The following NAALADL2 variants were observed in gnomAD, a reference collection of about 807,000 sequenced individuals.
The protein encoded by NAALADL2 is inactive N-acetylated-alpha-linked acidic dipeptidase-like protein 2.
A neutral mutation model predicts 87.2 loss-of-function variants in NAALADL2; 76 were observed. The ratio of observed to expected loss-of-function variants is 0.87; its 90% confidence interval spans 0.72 to 1.05. The LOEUF (loss-of-function observed/expected upper bound fraction) is 1.05. NAALADL2 is among the 50% of genes least tolerant of loss of function. The pLI is 0.00. For synonymous variants in NAALADL2, 354 were observed against 331.0 expected, an observed-to-expected ratio of 1.07 and a Z score of -0.75; for missense variants, 1,089 against 945.8, an observed-to-expected ratio of 1.15 and a Z score of -1.99.
intron 1 of NAALADL2, chr3:175,059,675 A>G: frequency 3.0e-6 from 1 of 337,062 alleles, no homozygotes; most frequent in Non-Finnish European, 5.6e-6. Context: ...CCATTCTTCC[A>G]TTAACCTCTT....
At chr3:174,661,284 A>C (rs553091414) in intron 2 of NAALADL2, among the ~76,000 whole-genome samples, 1 of 152,280 alleles carries the variant, frequency 6.6e-6, no homozygotes, top group South Asian at 2.1e-4. Context: ...AAATATTATT[A>C]CTGAACTCAT....
At chr3:175,601,289 T>C (rs1722947889) in intron 10 of NAALADL2, among the ~76,000 whole-genome samples, 1 of 152,190 alleles carries the variant, frequency 6.6e-6, no homozygotes, top group South Asian at 2.1e-4. Flanking sequence ...TATCAACATA[T>C]TGTATGTGTA....
intron 1 of NAALADL2, among the ~76,000 whole-genome samples, chr3:174,986,530 A>G (rs1165371373): frequency 6.6e-6 from 1 of 152,000 alleles, no homozygotes; most frequent in Non-Finnish European, 1.5e-5. Context: ...AAACTAGACC[A>G]TAGTTAGAAG....
intron 9 of NAALADL2, among the ~76,000 whole-genome samples, chr3:175,557,504 A>G (rs1038241861): frequency 8.1e-5 from 2 of 24,700 alleles, no homozygotes; most frequent in Non-Finnish European, 2.1e-4. Context: ...CATTCTTTCT[A>G]ACTATTTTTT....
chr3:175,127,576 T>G (rs924691208), intron 2 of NAALADL2, among the ~76,000 whole-genome samples: 5 of 152,212 alleles, frequency 3.3e-5, no homozygotes, highest in Non-Finnish European at 7.3e-5. Context: ...TTTCTTTCAG[T>G]TAAACTATCA....
At chr3:175,210,544 CTTATA>C (rs1741620379) in intron 2 of NAALADL2, among the ~76,000 whole-genome samples, 2 of 151,264 alleles carry the variant, frequency 1.3e-5, no homozygotes, top group Non-Finnish European at 3.0e-5. Flanking sequence ...TTAAATCTTA[CTTATA>C]TTGTATGTGA....
At chr3:175,327,282 A>C (rs2110466924) in intron 5 of NAALADL2, among the ~76,000 whole-genome samples, 1 of 151,050 alleles carries the variant, frequency 6.6e-6, no homozygotes, top group South Asian at 2.1e-4. Context: ...CAGCCTCCCG[A>C]GTAGCTGGGA....
At chr3:174,785,057 C>G (rs1716432369) in intron 3 of NAALADL2, among the ~76,000 whole-genome samples, 1 of 152,044 alleles carries the variant, frequency 6.6e-6, no homozygotes, top group African/African-American at 2.4e-5. Context: ...TCACGGGGTA[C>G]ATGTGCATGT....
intron 2 of NAALADL2, among the ~76,000 whole-genome samples, chr3:174,634,730 ATTTC>A (rs1560107231): frequency 6.6e-6 from 1 of 152,092 alleles, no homozygotes; most frequent in Admixed American, 6.5e-5. Context: ...TCACTTTTTA[ATTTC>A]TTTATTTTGG....
intron 11 of NAALADL2, among the ~76,000 whole-genome samples, chr3:175,691,385 GTTTTA>G (rs1326720730): frequency 6.6e-6 from 1 of 151,240 alleles, no homozygotes; most frequent in Non-Finnish European, 1.5e-5. Context: ...CGGATTCACT[GTTTTA>G]TTTGTGTGTG....
chr3:174,560,186 C>T (rs1030649255), intron 2 of NAALADL2, among the ~76,000 whole-genome samples: 1 of 152,118 alleles, frequency 6.6e-6, no homozygotes, highest in African/African-American at 2.4e-5. Flanking sequence ...TGTTACTGCC[C>T]TTAGGATACT....
chr3:175,097,231 C>T lies in NAALADL2; in HGVS notation c.485C>T (p.Pro162Leu). ...SDAPSSGTVD[P>L]QLYQEILKTI... Reference sequence around the variant, plus strand: ...GCTCCATCTTCAGGAACAGTTGATCCTCAGTTATATCAAGAGATTCTCAAG... The same window carrying T: ...GCTCCATCTTCAGGAACAGTTGATCTTCAGTTATATCAAGAGATTCTCAAG... Residue 162 changes from proline to leucine, a missense_variant, in exon 2 of 14, where the codon CCT becomes CTT. Coordinates refer to ENST00000454872, the MANE Select transcript of NAALADL2 (RefSeq NM_207015.3). 2 of 1,613,190 alleles carry T rather than the reference C, an allele frequency of 1.2e-6. No homozygotes were observed. Among genetic ancestry groups the T allele is most frequent in the Non-Finnish European group, 8.5e-7 (1 of 1,179,324 alleles).
At position 174,693,073 on chromosome 3, in the gene NAALADL2, C is replaced by G. The variant is rs575934305; in HGVS notation, c.-114-44568C>G. Reference sequence around the variant, plus strand: ...AAGTAGAAGTCTAAGTTCATGATATCTCTTGTGGATTAAGACCCAGTAGGC... The same window carrying G: ...AAGTAGAAGTCTAAGTTCATGATATGTCTTGTGGATTAAGACCCAGTAGGC... On this transcript the variant is annotated intron_variant, in intron 2 of 3. Transcript: ENST00000434257. Among the ~76,000 whole-genome samples, 5 of 151,878 alleles carry G rather than the reference C, an allele frequency of 3.3e-5. No individual in the cohort carries two copies. In the South Asian group the frequency reaches 1.0e-3, roughly 32 times the overall value.
chr3:174,526,778 G>A (rs1277599575), intron 1 of NAALADL2, among the ~76,000 whole-genome samples: 1 of 151,330 alleles, frequency 6.6e-6, no homozygotes, highest in Non-Finnish European at 1.5e-5. Flanking sequence ...CCAGATTCAA[G>A]TGATTCTCTT....
chr3:175,558,494 G>A (rs747630729), intron 9 of NAALADL2, among the ~76,000 whole-genome samples: 3 of 152,064 alleles, frequency 2.0e-5, no homozygotes, highest in Admixed American at 6.6e-5. Flanking sequence ...AGATATCTTC[G>A]CCCTGTCCAA....
intron 9 of NAALADL2, among the ~76,000 whole-genome samples, chr3:175,518,130 A>T (rs553476570): frequency 6.6e-6 from 1 of 152,188 alleles, no homozygotes; most frequent in African/African-American, 2.4e-5. Context: ...TTGCTCGTCT[A>T]TGTTTACATC....
chr3:174,632,393 G>T (rs867691327), intron 2 of NAALADL2, among the ~76,000 whole-genome samples: 5 of 151,970 alleles, frequency 3.3e-5, no homozygotes, highest in African/African-American at 1.2e-4. Context: ...ATTAAAGTTC[G>T]GGGAAATAGG....
At chr3:175,667,748 T>G (rs983204294) in intron 11 of NAALADL2, among the ~76,000 whole-genome samples, 1 of 151,092 alleles carries the variant, frequency 6.6e-6, no homozygotes, top group Non-Finnish European at 1.5e-5. Context: ...TTGCTGTTTT[T>G]TTTTTTTTTT....
At chr3:175,258,698 T>C (rs2109864500) in intron 4 of NAALADL2, among the ~76,000 whole-genome samples, 1 of 152,244 alleles carries the variant, frequency 6.6e-6, no homozygotes, top group South Asian at 2.1e-4. Context: ...GCATGCCTGG[T>C]GACTGGGGCT....
Sources: allele counts gnomAD v4.1 joint callset (sites outside exome capture counted in the v4.1 genomes callset), GRCh38; gene constraint gnomAD v4.1.1; transcripts MANE v1.5; gene names NCBI Gene and HGNC (gene_info 2026-07-23, HGNC 2026-07-21).